Variants in SLC24A2 observed in about 807,000 individuals in gnomAD.
SLC24A2 encodes the protein solute carrier family 24 member 2, also known as sodium/potassium/calcium exchanger 2.
In SLC24A2, 36 loss-of-function variants were observed where a neutral mutation model predicts 62.0. The observed-to-expected ratio is 0.58, with a 90% CI of 0.44 to 0.77. SLC24A2 has a LOEUF of 0.77. Among genes scored for constraint, SLC24A2 ranks in the 30% least tolerant of loss-of-function variants. The probability of loss-of-function intolerance (pLI) is 0.00; values close to 1 mark genes in which losing one functional copy is unlikely to be tolerated. For synonymous variants in SLC24A2, 358 were observed against 294.0 expected, an observed-to-expected ratio of 1.22 and a Z score of -2.23; for missense variants, 846 against 817.9, an observed-to-expected ratio of 1.03 and a Z score of -0.42.
chr9:19,551,504 C>G (rs1586943312), intron 7 of SLC24A2, among the ~76,000 whole-genome samples: 1 of 152,252 alleles, frequency 6.6e-6, no homozygotes, highest in East Asian at 1.9e-4. Flanking sequence ...CACTCCCTTC[C>G]CTGCTTGTTT....
chr9:20,132,207 C>G, the SLC24A2 span, among the ~76,000 whole-genome samples: 1 of 151,822 alleles, frequency 6.6e-6, no homozygotes, highest in Admixed American at 6.6e-5. Flanking sequence ...TTGGTTAGAA[C>G]AGTTATTTGG....
At chr9:20,089,480 T>C in the SLC24A2 span, among the ~76,000 whole-genome samples, 1 of 152,002 alleles carries the variant, frequency 6.6e-6, no homozygotes, top group Admixed American at 6.6e-5. Flanking sequence ...TAAAAGGCAC[T>C]ACCCAGGCAC....
At chr9:19,603,997 C>T (rs1023377031) in intron 4 of SLC24A2, among the ~76,000 whole-genome samples, 1 of 152,166 alleles carries the variant, frequency 6.6e-6, no homozygotes, top group Non-Finnish European at 1.5e-5. Flanking sequence ...GTACCTTAAC[C>T]TACTTGTTTT....
chr9:20,169,540 G>A, the SLC24A2 span, among the ~76,000 whole-genome samples: 6 of 152,026 alleles, frequency 3.9e-5, no homozygotes, highest in African/African-American at 7.2e-5. Context: ...TTAGCCTGAA[G>A]CCTGGTAGAC....
At chr9:19,986,623 G>T in the SLC24A2 span, among the ~76,000 whole-genome samples, 1 of 152,034 alleles carries the variant, frequency 6.6e-6, no homozygotes, top group Admixed American at 6.6e-5. Context: ...AAGGAATGAG[G>T]TACTGACGTA....
chr9:20,076,825 T>C, the SLC24A2 span, among the ~76,000 whole-genome samples: 1 of 144,870 alleles, frequency 6.9e-6, no homozygotes, highest in Non-Finnish European at 1.5e-5. Flanking sequence ...ACAGGCACAC[T>C]GATAAGAAAA....
the SLC24A2 span, among the ~76,000 whole-genome samples, chr9:20,141,475 A>C: frequency 6.6e-6 from 1 of 152,050 alleles, no homozygotes; most frequent in East Asian, 1.9e-4. Context: ...GCTTGGTCTC[A>C]TATTTCACTT....
the SLC24A2 span, among the ~76,000 whole-genome samples, chr9:20,119,179 T>C: frequency 0.11 from 17,041 of 152,092 alleles, 1,000 homozygotes; most frequent in Middle Eastern, 0.17. Flanking sequence ...GAAGCAGATC[T>C]TTGCTTAGTT....
chr9:19,542,068 G>A (rs1586922759), intron 8 of SLC24A2, among the ~76,000 whole-genome samples: 1 of 152,106 alleles, frequency 6.6e-6, no homozygotes, highest in Non-Finnish European at 1.5e-5. Flanking sequence ...TTCGGCTCGC[G>A]CACGGTGCAC....
At chr9:19,590,094 C>T (rs1836504884) in intron 5 of SLC24A2, among the ~76,000 whole-genome samples, 1 of 152,184 alleles carries the variant, frequency 6.6e-6, no homozygotes, top group African/African-American at 2.4e-5. Flanking sequence ...CTCCCCTCTC[C>T]TGGAAAGACA....
the SLC24A2 span, among the ~76,000 whole-genome samples, chr9:20,248,786 T>C: frequency 6.6e-6 from 1 of 152,372 alleles, no homozygotes; most frequent in Non-Finnish European, 1.5e-5. Context: ...CTGCAAATCC[T>C]GACAATGTAC....
At chr9:20,074,979 C>T in the SLC24A2 span, among the ~76,000 whole-genome samples, 1 of 152,118 alleles carries the variant, frequency 6.6e-6, no homozygotes, top group Non-Finnish European at 1.5e-5. Flanking sequence ...TTACTCTGAA[C>T]CTTGGTTTCT....
the SLC24A2 span, among the ~76,000 whole-genome samples, chr9:19,850,350 G>T: frequency 6.6e-6 from 1 of 152,064 alleles, no homozygotes; most frequent in South Asian, 2.1e-4. Flanking sequence ...TTCAGGAGTA[G>T]AACATTTGAA....
At chr9:20,097,168 G>A in the SLC24A2 span, among the ~76,000 whole-genome samples, 1 of 152,114 alleles carries the variant, frequency 6.6e-6, no homozygotes, top group East Asian at 1.9e-4. Context: ...CCACCACCAT[G>A]ATTCCCTACC....
At chr9:20,020,411 G>A in the SLC24A2 span, among the ~76,000 whole-genome samples, 8 of 152,180 alleles carry the variant, frequency 5.3e-5, no homozygotes, top group African/African-American at 1.2e-4. Context: ...ATGAGTTCAT[G>A]TCCTTTGCAA....
intron 2 of SLC24A2, among the ~76,000 whole-genome samples, chr9:19,777,400 G>C (rs1254494801): frequency 6.6e-6 from 1 of 152,142 alleles, no homozygotes; most frequent in East Asian, 1.9e-4. Context: ...ACTTTAAAAA[G>C]CTGATAAGCC....
chr9:20,023,677 C>A, the SLC24A2 span, among the ~76,000 whole-genome samples: 22 of 152,116 alleles, frequency 1.4e-4, no homozygotes, highest in African/African-American at 4.8e-4. Flanking sequence ...CTTAAGGTAC[C>A]AACTTTTTCA....
At chr9:20,160,051 C>T in the SLC24A2 span, among the ~76,000 whole-genome samples, 1 of 151,242 alleles carries the variant, frequency 6.6e-6, no homozygotes, top group Non-Finnish European at 1.5e-5. Context: ...ATAAGACTCA[C>T]ACCTAAAACA....
At chr9:19,837,859 A>C in the SLC24A2 span, among the ~76,000 whole-genome samples, 20 of 152,016 alleles carry the variant, frequency 1.3e-4, no homozygotes, top group Admixed American at 3.3e-4. Context: ...TCCAACTTAC[A>C]AGGGACGTGA....
Sources: allele counts gnomAD v4.1 joint callset (sites outside exome capture counted in the v4.1 genomes callset), GRCh38; gene constraint gnomAD v4.1.1; transcripts MANE v1.5; gene names NCBI Gene and HGNC (gene_info 2026-07-23, HGNC 2026-07-21).